PIGU: variants seen among roughly 807,000 people sequenced by gnomAD.
The protein encoded by PIGU is GPI-anchor transamidase component PIGU.
In PIGU, 24 loss-of-function variants were observed where a neutral mutation model predicts 49.9. The ratio of observed to expected loss-of-function variants is 0.48; its 90% CI spans 0.35 to 0.68. The LOEUF is 0.68. Among genes scored for constraint, PIGU ranks in the 30% least tolerant of loss-of-function variants. PIGU has a pLI of 0.01. For synonymous variants in PIGU, 220 were observed against 205.7 expected (o/e 1.07, Z -0.59); for missense variants, 490 against 532.6 (o/e 0.92, Z 0.79).
At chr20:34,651,989 T>C (rs1173905350) in intron 2 of PIGU, among the ~76,000 whole-genome samples, 1 of 152,088 alleles carries the variant, frequency 6.6e-6, no homozygotes, top group Non-Finnish European at 1.5e-5. Context: ...TAGTCCCAGC[T>C]ATTTGGTTTG....
intron 1 of PIGU, among the ~76,000 whole-genome samples, chr20:34,669,307 G>A (rs1346368805): frequency 3.3e-5 from 5 of 152,094 alleles, no homozygotes; most frequent in Admixed American, 2.6e-4. Flanking sequence ...GCTGGGTGAA[G>A]GGTATACAGA....
At chr20:34,622,985 G>A (rs774491831) in intron 6 of PIGU, among the ~76,000 whole-genome samples, 4 of 152,088 alleles carry the variant, frequency 2.6e-5, no homozygotes, top group African/African-American at 2.4e-5. Context: ...CAGCAAGACC[G>A]GGGGTAATAC....
rs766568352 is a variant in PIGU at position 34,626,236 on chromosome 20, C to T, written c.529+8379G>A. ...AAAAGTAGAATAAAAATCAAAACTA[C>T]AAACATTTTATCCCCAGGTGGATAG... is the stretch of plus-strand genomic sequence containing the variant. On this transcript the variant is annotated intron_variant, in intron 6 of 11. Transcript: ENST00000217446. 5.4e-4 allele frequency among the ~76,000 whole-genome samples: 81 copies of T among 151,378 alleles called. 1 individual carries two copies. Among genetic ancestry groups the T allele is most frequent in the Admixed American group, 1.1e-3 (16 of 15,208 alleles).
intron 7 of PIGU, among the ~76,000 whole-genome samples, chr20:34,611,701 C>G (rs1306737866): frequency 7.1e-6 from 1 of 140,456 alleles, no homozygotes; most frequent in African/African-American, 2.6e-5. Flanking sequence ...AAAAAGTGGG[C>G]AAAGGATATG....
At chr20:34,648,535 A>C (rs187144031) in intron 2 of PIGU, among the ~76,000 whole-genome samples, 1 of 151,772 alleles carries the variant, frequency 6.6e-6, no homozygotes, top group Non-Finnish European at 1.5e-5. Context: ...TATATGCAAA[A>C]TTTTTTGTTT....
intron 1 of PIGU, among the ~76,000 whole-genome samples, chr20:34,660,624 T>A (rs1426076904): frequency 2.0e-5 from 3 of 152,174 alleles, no homozygotes; most frequent in Non-Finnish European, 4.4e-5. Flanking sequence ...TCAGTCTAAC[T>A]GTGAGAAGAC....
chr20:34,633,957 T>C (rs866863336), intron 6 of PIGU, among the ~76,000 whole-genome samples: 1 of 152,206 alleles, frequency 6.6e-6, no homozygotes, highest in Non-Finnish European at 1.5e-5. Context: ...TATAAGGTCT[T>C]ATTTAGAAAT....
At chr20:34,661,985 T>C (rs1442004287) in intron 1 of PIGU, among the ~76,000 whole-genome samples, 1 of 152,242 alleles carries the variant, frequency 6.6e-6, no homozygotes, top group East Asian at 1.9e-4. Context: ...ATTTCTCTAA[T>C]GACTAATTAT....
At chr20:34,581,712 G>C (rs2146706200) in intron 9 of PIGU, 40 bp from the exon 10 acceptor site, 1 of 1,605,700 alleles carries the variant, frequency 6.2e-7, no homozygotes, top group East Asian at 2.2e-5. Flanking sequence ...AGATGAGTCA[G>C]GGACCAGGCC....
At chr20:34,612,747 C>T (rs537649050) in intron 7 of PIGU, among the ~76,000 whole-genome samples, 1 of 151,528 alleles carries the variant, frequency 6.6e-6, no homozygotes, top group African/African-American at 2.4e-5. Flanking sequence ...CTCTGCCTCC[C>T]GAGTAGCTGG....
At chr20:34,561,104 T>C in intron 11 of PIGU, 125 bp from the exon 12 acceptor site, 1 of 664,292 alleles carries the variant, frequency 1.5e-6, no homozygotes, top group Non-Finnish European at 2.6e-6. Flanking sequence ...TCACAATCAC[T>C]GGAGAGGCCC....
At chr20:34,649,392 T>A (rs1986457454) in intron 2 of PIGU, among the ~76,000 whole-genome samples, 1 of 137,896 alleles carries the variant, frequency 7.3e-6, no homozygotes, top group Non-Finnish European at 1.8e-5. Context: ...CTCTTACTTT[T>A]TTTTTTTTTT....
rs59998699 is a variant in PIGU at position 34,650,700 on chromosome 20, C to CTTTT, written c.196-5370_196-5367dup. ...AATTTTTTTCCTTTTCTTTTTTTCT[C>CTTTT]TTTTTTTTTTTTTTTTTTTTTTTTT... On this transcript the variant is annotated intron_variant, in intron 2 of 11. Transcript: ENST00000217446. Among the ~76,000 whole-genome samples, 21 of 38,794 alleles carry CTTTT rather than the reference C, an allele frequency of 5.4e-4. 2 individuals carry two copies. Among genetic ancestry groups the CTTTT allele is most frequent in the African/African-American group, 1.0e-3 (9 of 8,610 alleles). 25.5% of individuals were successfully genotyped at this position (38,794 alleles called of 152,430 possible). A position where few individuals can be genotyped will look rare whatever the true frequency, so the allele number is the denominator to read the frequency against.
intron 7 of PIGU, among the ~76,000 whole-genome samples, chr20:34,597,922 T>C: frequency 6.6e-6 from 1 of 152,142 alleles, no homozygotes; most frequent in East Asian, 1.9e-4. Flanking sequence ...AAATTCACGG[T>C]AGGCCGGGCA....
intron 2 of PIGU, among the ~76,000 whole-genome samples, chr20:34,652,335 A>C (rs889460028): frequency 1.8e-4 from 28 of 152,148 alleles, no homozygotes; most frequent in African/African-American, 6.8e-4. Flanking sequence ...CTATGTATAC[A>C]TCCATAAAAC....
At chr20:34,616,178 A>C in intron 6 of PIGU, 39 bp from the exon 7 acceptor site, 1 of 1,602,176 alleles carries the variant, frequency 6.2e-7, no homozygotes, top group Non-Finnish European at 8.5e-7. Flanking sequence ...ATCCAGCCTC[A>C]TCAATCATGA....
intron 10 of PIGU, among the ~76,000 whole-genome samples, chr20:34,577,611 G>C (rs1310726394): frequency 6.6e-6 from 1 of 152,144 alleles, no homozygotes; most frequent in Non-Finnish European, 1.5e-5. Flanking sequence ...AGCTACTCAG[G>C]AGGCTGAGGC....
At chr20:34,653,994 A>G (rs1194833606) in intron 2 of PIGU, among the ~76,000 whole-genome samples, 1 of 150,914 alleles carries the variant, frequency 6.6e-6, no homozygotes, top group Non-Finnish European at 1.5e-5. Flanking sequence ...AGTAGCTGGG[A>G]CTACAGCCAC....
In PIGU at chr20:34,676,096, C is replaced by A. The variant is rs560552746; in HGVS notation, c.130+860G>T. ...TCTGGCCTAAACCTAGCTTCCACCC[C>A]ATTACTCCCCTGCTTTGGACATTTC... On this transcript the variant is annotated intron_variant, in intron 1 of 11. Coordinates refer to ENST00000217446, the MANE Select transcript of PIGU (RefSeq NM_080476.5). Among the ~76,000 whole-genome samples, 400 of 151,384 alleles carry A rather than the reference C, an allele frequency of 2.6e-3. 6 individuals carry two copies. The highest frequency in any genetic ancestry group is 6.9e-3 in the Middle Eastern group (2 of 290).
Sources: allele counts gnomAD v4.1 joint callset (sites outside exome capture counted in the v4.1 genomes callset), GRCh38; gene constraint gnomAD v4.1.1; transcripts MANE v1.5; gene names NCBI Gene and HGNC (gene_info 2026-07-23, HGNC 2026-07-21).